KLC1: variants seen among roughly 807,000 people sequenced by gnomAD.
KLC1 encodes the protein kinesin light chain 1.
Under a neutral mutation model 84.2 loss-of-function variants are expected in KLC1, and 30 were observed. That is an observed-to-expected ratio of 0.36 (90% CI 0.27 to 0.48). The LOEUF (loss-of-function observed/expected upper bound fraction) is 0.48. Among genes scored for constraint, KLC1 ranks in the 20% least tolerant of loss-of-function variants. KLC1 has a pLI of 0.99. For missense variants in KLC1, 499 were observed against 805.4 expected (o/e 0.62, Z 4.60); for synonymous variants, 289 against 293.3 (o/e 0.99, Z 0.15).
chr14:103,657,857 T>G (rs1043898815), intron 3 of KLC1, 81 bp downstream of exon 3: 8 of 1,024,110 alleles, frequency 7.8e-6, no homozygotes, highest in Non-Finnish European at 1.2e-5. Flanking sequence ...GTTTGCCATA[T>G]TCTTTTCATA....
At chr14:103,696,500 T>G (rs905253512) in intron 15 of KLC1, 4 of 985,310 alleles carry the variant, frequency 4.1e-6, no homozygotes, top group Non-Finnish European at 3.6e-6. Context: ...GGTTTTCCAT[T>G]GTCATAACTG....
At chr14:103,699,535 C>G in intron 15 of KLC1, 4 of 1,613,558 alleles carry the variant, frequency 2.5e-6, no homozygotes, top group Middle Eastern at 1.6e-4. Flanking sequence ...CCCGAGACAG[C>G]AGTACGGGGA....
chr14:103,666,337 A>C (rs2079819145), intron 5 of KLC1, among the ~76,000 whole-genome samples: 1 of 152,024 alleles, frequency 6.6e-6, no homozygotes, highest in Non-Finnish European at 1.5e-5. Context: ...TGCTGGGATT[A>C]CAGGCATGAG....
chr14:103,688,767 T>C (rs2081933289), intron 14 of KLC1, among the ~76,000 whole-genome samples: 4 of 152,154 alleles, frequency 2.6e-5, no homozygotes, highest in Admixed American at 2.6e-4. Flanking sequence ...GAGGGAGTTT[T>C]AGGAGCCCCA....
chr14:103,655,287 T>G (rs984962324), intron 2 of KLC1, among the ~76,000 whole-genome samples: 3 of 152,086 alleles, frequency 2.0e-5, no homozygotes, highest in African/African-American at 7.2e-5. Flanking sequence ...ACTATTGATT[T>G]GGGCCTATCA....
rs200265460 is a variant in KLC1, at chr14:103,675,580, T to C, written c.1290T>C (p.Ala430=). 2.5e-6 allele frequency: 4 copies of C among 1,613,128 alleles called. No homozygotes were observed. Among genetic ancestry groups the C allele is most frequent in the Middle Eastern group, 1.8e-4 (1 of 5,710 alleles). The change falls in exon 10 of 17, where the codon GCT becomes GCC. Residue 430 remains alanine (A), a synonymous_variant. Coordinates refer to ENST00000334553, the MANE Select transcript of KLC1 (RefSeq NM_001394837.1). ...AAAATAAACCCATCTGGATGCATGC[T>C]GAAGAAAGAGAAGAATGCAAAGTAA... ...DDENKPIWMH[A]EEREECKGKQ...
At chr14:103,678,490 G>C (rs1046537395) in intron 12 of KLC1, among the ~76,000 whole-genome samples, 1 of 152,014 alleles carries the variant, frequency 6.6e-6, no homozygotes, top group Non-Finnish European at 1.5e-5. Context: ...TTGGAAACCA[G>C]CCTGGGCAAC....
intron 3 of KLC1, among the ~76,000 whole-genome samples, chr14:103,659,531 C>T (rs2079113256): frequency 6.6e-6 from 1 of 152,190 alleles, no homozygotes; most frequent in Non-Finnish European, 1.5e-5. Flanking sequence ...TTGGATGTCA[C>T]CAGGCCTTCC....
chr14:103,650,277 A>G (rs1281643876), intron 1 of KLC1, among the ~76,000 whole-genome samples: 1 of 152,036 alleles, frequency 6.6e-6, no homozygotes, highest in African/African-American at 2.4e-5. Context: ...ACGTACAGGG[A>G]GACTGAGCCT....
Position 103,694,896 on chromosome 14 carries a change from G to GT in KLC1, c.1848+2472dup. The GT allele has an allele frequency of 1.0e-6, 1 of 985,468 alleles. No individual in the cohort carries two copies. The highest frequency in any genetic ancestry group is 1.2e-6 in the Non-Finnish European group (1 of 829,928). 61.0% of individuals were successfully genotyped at this position (985,468 alleles called of 1,614,324 possible). On this transcript the variant is annotated intron_variant, in intron 15 of 16. Coordinates refer to ENST00000334553, the MANE Select transcript of KLC1 (RefSeq NM_001394837.1). This position sits in a 1 kb window ranked among gnomAD's most constrained non-coding sequence, Gnocchi z 4.5. ...TCCCGCCTCATGTCGCAGGACTGCT[G>GT]TGTTTGTGAAAGCGCGTTTGTTTCC...
chr14:103,693,669 C>A lies in KLC1; in HGVS notation c.1848+1244C>A, dbSNP rs1294762862. On this transcript the variant is annotated intron_variant, in intron 15 of 16. Coordinates refer to ENST00000334553, the MANE Select transcript of KLC1 (RefSeq NM_001394837.1). This position sits in a 1 kb window ranked among gnomAD's most constrained non-coding sequence, Gnocchi z 5.1. ...CTTGGGAGTGTGAGACCGCCCCGCC[C>A]TGCCACGCCCCTCACCGCCCTGCCC... is the stretch of plus-strand genomic sequence containing the variant. The A allele has an allele frequency of 1.1e-5, 17 of 1,528,470 alleles. No individual in the cohort carries two copies. The African/African-American group carries it at 2.1e-4, about 19-fold the overall frequency. The allele number at this position is 1,528,470 out of a possible 1,614,324, so 94.7% of individuals were successfully genotyped here. A position where few individuals can be genotyped will look rare whatever the true frequency, so the allele number is the denominator to read the frequency against.
At chr14:103,659,684 G>A (rs1340487452) in intron 3 of KLC1, among the ~76,000 whole-genome samples, 7 of 152,170 alleles carry the variant, frequency 4.6e-5, no homozygotes, top group South Asian at 4.1e-4. Context: ...TGTGTGTCTC[G>A]TTCGAATCCC....
At chr14:103,642,381 G>C (rs1284134683) in intron 1 of KLC1, among the ~76,000 whole-genome samples, 1 of 152,176 alleles carries the variant, frequency 6.6e-6, no homozygotes, top group East Asian at 1.9e-4. Flanking sequence ...TGATTCCATT[G>C]CAATAACCTT....
At chr14:103,671,221 A>G (rs1177468214) in intron 7 of KLC1, among the ~76,000 whole-genome samples, 1 of 152,214 alleles carries the variant, frequency 6.6e-6, no homozygotes, top group Non-Finnish European at 1.5e-5. Context: ...AGTCAATGTC[A>G]TATATATTTA....
At chr14:103,652,121 A>ATATGTTG (rs2078496129) in intron 1 of KLC1, among the ~76,000 whole-genome samples, 1 of 152,238 alleles carries the variant, frequency 6.6e-6, no homozygotes, top group African/African-American at 2.4e-5. Context: ...TGGATATAAT[A>ATATGTTG]CATAAATACT....
intron 1 of KLC1, among the ~76,000 whole-genome samples, chr14:103,640,161 T>G (rs539755411): frequency 1.1e-4 from 16 of 152,074 alleles, no homozygotes; most frequent in African/African-American, 3.6e-4. Flanking sequence ...TCCAGGTTCA[T>G]GCGATTCTAC....
Position 103,693,967 on chromosome 14 carries a change from G to T in KLC1, c.1848+1542G>T. 1 of 1,169,726 alleles carries T rather than the reference G, an allele frequency of 8.5e-7. No homozygotes were observed. The highest frequency in any genetic ancestry group is 1.1e-6 in the Non-Finnish European group (1 of 944,532). The allele number at this position is 1,169,726 out of a possible 1,614,324, so 72.5% of individuals were successfully genotyped here. On this transcript the variant is annotated intron_variant, in intron 15 of 16. Transcript: ENST00000334553. The surrounding 1 kb of genome is among the most constrained non-coding windows in gnomAD (Gnocchi z 5.1). Reference sequence around the variant, plus strand: ...CTGCCACCTTTTTGCCATGACACCAGACTCTCTTTTAAATTGTAATATTGT... The same window carrying T: ...CTGCCACCTTTTTGCCATGACACCATACTCTCTTTTAAATTGTAATATTGT...
chr14:103,663,236 T>C (rs1208485314), intron 5 of KLC1, among the ~76,000 whole-genome samples: 1 of 151,960 alleles, frequency 6.6e-6, no homozygotes, highest in East Asian at 1.9e-4. Context: ...CCCGCCACCA[T>C]GCCTGGCTAA....
At chr14:103,699,466 G>C (rs2082919894) in intron 15 of KLC1, 10 of 1,612,932 alleles carry the variant, frequency 6.2e-6, no homozygotes, top group Non-Finnish European at 7.6e-6. Context: ...AGGCCTGGCT[G>C]TCAAATTCAC....
Sources: gnomAD v4.1 joint callset for allele counts (sites outside exome capture counted in the v4.1 genomes callset) on GRCh38, gnomAD v4.1.1 for gene constraint, Gnocchi (gnomAD v3.1) non-coding constraint, MANE v1.5 for transcripts, NCBI Gene and HGNC (gene_info 2026-07-23, HGNC 2026-07-21) for gene names.